OSBPL10: variants seen among roughly 807,000 people sequenced by gnomAD.
OSBPL10 encodes the protein oxysterol-binding protein-related protein 10.
A neutral mutation model predicts 81.7 loss-of-function variants in OSBPL10; 49 were observed. The observed-to-expected ratio is 0.60, with a 90% CI of 0.48 to 0.76. The LOEUF is 0.76. Among genes scored for constraint, OSBPL10 ranks in the 30% least tolerant of loss-of-function variants. The pLI is 0.00. For missense variants in OSBPL10, 923 were observed against 987.8 expected, an observed-to-expected ratio of 0.93 and a Z score of 0.88; for synonymous variants, 419 against 383.6, an observed-to-expected ratio of 1.09 and a Z score of -1.08.
At chr3:31,817,891 G>C (rs1297554045) in intron 4 of OSBPL10, among the ~76,000 whole-genome samples, 1 of 152,208 alleles carries the variant, frequency 6.6e-6, no homozygotes, top group African/African-American at 2.4e-5. Flanking sequence ...GACTGCTTGA[G>C]CTTAGGAGAT....
intron 1 of OSBPL10, among the ~76,000 whole-genome samples, chr3:31,885,102 C>T (rs999186747): frequency 2.0e-5 from 3 of 152,118 alleles, no homozygotes; most frequent in Non-Finnish European, 4.4e-5. Context: ...CAAGCCATTG[C>T]CTACTAACAT....
At chr3:31,865,172 A>C (rs1701146766) in intron 3 of OSBPL10, among the ~76,000 whole-genome samples, 1 of 152,234 alleles carries the variant, frequency 6.6e-6, no homozygotes, top group African/African-American at 2.4e-5. Context: ...AGATATTGGT[A>C]AATTCCCTTC....
At chr3:31,794,034 C>G (rs1699111422) in intron 4 of OSBPL10, among the ~76,000 whole-genome samples, 1 of 152,318 alleles carries the variant, frequency 6.6e-6, no homozygotes, top group African/African-American at 2.4e-5. Context: ...GCTGGGTTGG[C>G]ACAGTGGTGG....
At chr3:31,867,680 T>C (rs1380262958) in intron 3 of OSBPL10, among the ~76,000 whole-genome samples, 1 of 150,778 alleles carries the variant, frequency 6.6e-6, no homozygotes, top group African/African-American at 2.5e-5. Context: ...GAGGCGGAGG[T>C]TGCAGTGAGC....
At chr3:31,970,489 T>C (rs1158325552) in intron 1 of OSBPL10, among the ~76,000 whole-genome samples, 2 of 152,234 alleles carry the variant, frequency 1.3e-5, no homozygotes, top group Non-Finnish European at 2.9e-5. Context: ...GTGACAACTC[T>C]GCGCTTACAT....
intron 5 of OSBPL10, among the ~76,000 whole-genome samples, chr3:31,741,653 T>C (rs1697355169): frequency 6.6e-6 from 1 of 152,228 alleles, no homozygotes; most frequent in Non-Finnish European, 1.5e-5. Context: ...ATCTGAAATA[T>C]TCTACAATGC....
At position 32,058,771 on chromosome 3, in the gene OSBPL10, C is replaced by T. The variant is rs1450730061; in HGVS notation, n.186-12168G>A. Among the ~76,000 whole-genome samples, 8 of 152,334 alleles carry T rather than the reference C, an allele frequency of 5.3e-5. No individual in the cohort carries two copies. The East Asian group carries it at 1.5e-3, about 29-fold the overall frequency. On this transcript the variant is annotated intron_variant and non_coding_transcript_variant, in intron 1 of 3. Coordinates refer to the OSBPL10 transcript ENST00000479173. Reference sequence around the variant, plus strand: ...CAGCCTTGACCTGGGCTCAAGTCATCTTCCTGCCTTAGCCTCCCAGTGGCT... The same window carrying T: ...CAGCCTTGACCTGGGCTCAAGTCATTTTCCTGCCTTAGCCTCCCAGTGGCT...
At chr3:31,751,096 A>C (rs1697702583) in intron 4 of OSBPL10, among the ~76,000 whole-genome samples, 1 of 152,140 alleles carries the variant, frequency 6.6e-6, no homozygotes, top group Admixed American at 6.5e-5. Flanking sequence ...ACTTGAGGCC[A>C]GGAGTTTGAG....
At chr3:32,015,182 C>G (rs1300459999) in intron 2 of OSBPL10, among the ~76,000 whole-genome samples, 1 of 152,166 alleles carries the variant, frequency 6.6e-6, no homozygotes. Context: ...ATCACACTAC[C>G]TGACTTCAAA....
chr3:31,700,854 C>T (rs567880191), intron 7 of OSBPL10, among the ~76,000 whole-genome samples: 1 of 152,270 alleles, frequency 6.6e-6, no homozygotes, highest in South Asian at 2.1e-4. Context: ...AGCTAGGGGA[C>T]TGAGATGAAG....
At chr3:31,928,795 G>GTATATTTA (rs1249902635) in intron 1 of OSBPL10, among the ~76,000 whole-genome samples, 3 of 147,206 alleles carry the variant, frequency 2.0e-5, no homozygotes, top group African/African-American at 7.5e-5. Context: ...TGCCCAGAAT[G>GTATATTTA]TATATTTATA....
chr3:31,825,365 A>G (rs1700075038), intron 4 of OSBPL10, among the ~76,000 whole-genome samples: 1 of 152,138 alleles, frequency 6.6e-6, no homozygotes, highest in Non-Finnish European at 1.5e-5. Context: ...ACAGTCGCCT[A>G]GGGTGGAGTG....
chr3:31,707,607 T>C (rs1048592868), intron 6 of OSBPL10, among the ~76,000 whole-genome samples: 7 of 151,880 alleles, frequency 4.6e-5, no homozygotes, highest in African/African-American at 1.5e-4. Context: ...AATCTAGCCA[T>C]GTCAAAAAAA....
chr3:31,865,823 C>T (rs772418611), intron 3 of OSBPL10, among the ~76,000 whole-genome samples: 5 of 152,116 alleles, frequency 3.3e-5, no homozygotes, highest in African/African-American at 4.8e-5. Context: ...CCAGCAGTAC[C>T]CTCTCTAAAA....
chr3:32,015,541 C>A (rs2125542102), intron 2 of OSBPL10, among the ~76,000 whole-genome samples: 1 of 152,306 alleles, frequency 6.6e-6, no homozygotes, highest in South Asian at 2.1e-4. Context: ...TAGGCATAGG[C>A]AAGGACTTCA....
intron 3 of OSBPL10, among the ~76,000 whole-genome samples, chr3:31,833,752 T>C (rs942360209): frequency 1.4e-5 from 2 of 146,860 alleles, no homozygotes; most frequent in Non-Finnish European, 3.0e-5. Context: ...CTCTCTCTTC[T>C]AATTCTGAGT....
Position 31,876,571 on chromosome 3 carries a change from A to G in OSBPL10, c.458-59T>C, listed in dbSNP as rs1575595149. 3.5e-6 allele frequency: 5 copies of G among 1,409,698 alleles called. No individual in the cohort carries two copies. The East Asian group carries it at 6.9e-5, about 19-fold the overall frequency. The allele number at this position is 1,409,698 out of a possible 1,614,324, so 87.3% of individuals were successfully genotyped here. On this transcript the variant is annotated intron_variant, in intron 2 of 11. Transcript: ENST00000396556. ...CAGAGATTGTTCCAAAACACATCCA[A>G]CTTATTTCTACACCCACCTAAGGGG...
intron 4 of OSBPL10, among the ~76,000 whole-genome samples, chr3:31,760,765 C>A (rs193223335): frequency 6.6e-6 from 1 of 152,240 alleles, no homozygotes; most frequent in East Asian, 1.9e-4. Flanking sequence ...CAATAAATTT[C>A]TACAATACTA....
chr3:31,859,519 G>A (rs1436377248), intron 3 of OSBPL10, among the ~76,000 whole-genome samples: 4 of 152,180 alleles, frequency 2.6e-5, no homozygotes, highest in African/African-American at 7.2e-5. Context: ...TCAGTGCCAC[G>A]CTGCCTCACG....
Sources: allele counts gnomAD v4.1 joint callset (sites outside exome capture counted in the v4.1 genomes callset), GRCh38; gene constraint gnomAD v4.1.1; transcripts MANE v1.5; gene names NCBI Gene and HGNC (gene_info 2026-07-23, HGNC 2026-07-21).